DENND1A: variants seen among roughly 807,000 people sequenced by gnomAD.
DENND1A encodes the protein DENN domain-containing protein 1A.
A neutral mutation model predicts 113.7 loss-of-function variants in DENND1A; 51 were observed. That is an observed-to-expected ratio of 0.45 (90% CI 0.36 to 0.57). The LOEUF (loss-of-function observed/expected upper bound fraction) is 0.57. DENND1A is among the 20% of genes least tolerant of loss of function. The pLI is 0.00. For synonymous variants in DENND1A, 565 were observed against 570.8 expected (o/e 0.99, Z 0.14); for missense variants, 1,258 against 1,395.9 (o/e 0.90, Z 1.57).
chr9:123,718,991 C>T (rs187065136), intron 5 of DENND1A, among the ~76,000 whole-genome samples: 4 of 152,166 alleles, frequency 2.6e-5, no homozygotes, highest in African/African-American at 9.7e-5. Flanking sequence ...ATAAGTCTCA[C>T]GAGATCTGAC....
chr9:123,403,546 A>G, intron 20 of DENND1A, 56 bp from the exon 21 acceptor site: 1 of 1,510,002 alleles, frequency 6.6e-7, no homozygotes. Context: ...AAAGCCATAC[A>G]GGTACATTCT....
intron 11 of DENND1A, among the ~76,000 whole-genome samples, chr9:123,601,241 G>T (rs192578676): frequency 1.4e-4 from 22 of 152,222 alleles, no homozygotes; most frequent in East Asian, 7.7e-4. Flanking sequence ...GACTGAAAAC[G>T]TACTGACTGC....
intron 13 of DENND1A, among the ~76,000 whole-genome samples, chr9:123,465,994 C>A (rs1025191136): frequency 2.0e-5 from 3 of 151,188 alleles, no homozygotes; most frequent in African/African-American, 7.3e-5. Flanking sequence ...GTTTTTATTT[C>A]TTTTTTTCTT....
chr9:123,429,060 CA>C (rs2045947003), intron 19 of DENND1A, among the ~76,000 whole-genome samples: 1 of 152,036 alleles, frequency 6.6e-6, no homozygotes, highest in Admixed American at 6.6e-5. Flanking sequence ...CATATAGAAC[CA>C]AAAAAGAGCC....
At chr9:123,565,281 C>T (rs1026493874) in intron 12 of DENND1A, among the ~76,000 whole-genome samples, 11 of 152,266 alleles carry the variant, frequency 7.2e-5, no homozygotes, top group South Asian at 4.1e-4. Context: ...CGTGAGCCAC[C>T]GCACCCGGCC....
chr9:123,512,826 T>A lies in DENND1A; in HGVS notation c.993+44744A>T, dbSNP rs2053571684. On this transcript the variant is annotated intron_variant, in intron 13 of 23. Coordinates refer to ENST00000394215, the MANE Select transcript of DENND1A (RefSeq NM_001352964.2). ...AATGGTTGAAATTCCTCTACCTCTC[T>A]GAGTCTCAGTTTCCTAAGCTGGAAA... Among the ~76,000 whole-genome samples, 6 of 152,224 alleles carry A rather than the reference T, an allele frequency of 3.9e-5. No homozygotes were observed. In the South Asian group the frequency reaches 1.0e-3, roughly 26 times the overall value.
chr9:123,572,573 G>A (rs1486017811), intron 12 of DENND1A, among the ~76,000 whole-genome samples: 1 of 152,094 alleles, frequency 6.6e-6, no homozygotes, highest in Non-Finnish European at 1.5e-5. Flanking sequence ...CATGACTAAC[G>A]ATGCGGAGTA....
intron 12 of DENND1A, among the ~76,000 whole-genome samples, chr9:123,565,262 G>C (rs1037985033): frequency 2.0e-5 from 3 of 152,132 alleles, no homozygotes; most frequent in Non-Finnish European, 4.4e-5. Context: ...AAAGTGCTGG[G>C]ATTACAGGCG....
intron 13 of DENND1A, among the ~76,000 whole-genome samples, chr9:123,515,020 C>T (rs1456727567): frequency 2.6e-5 from 4 of 152,146 alleles, no homozygotes; most frequent in African/African-American, 9.7e-5. Context: ...GTGGGGTAGG[C>T]TACAAGACAA....
At chr9:123,466,279 G>A (rs187951125) in intron 13 of DENND1A, among the ~76,000 whole-genome samples, 2 of 152,140 alleles carry the variant, frequency 1.3e-5, no homozygotes, top group East Asian at 3.9e-4. Context: ...TTACAAGCAT[G>A]AGCCACCGTG....
intron 5 of DENND1A, among the ~76,000 whole-genome samples, chr9:123,728,154 A>G (rs2067851106): frequency 3.3e-5 from 5 of 151,314 alleles, no homozygotes; most frequent in Admixed American, 3.3e-4. Flanking sequence ...TACTATGTTC[A>G]TGGACTGAAA....
At chr9:123,858,859 C>G (rs745972687) in intron 2 of DENND1A, among the ~76,000 whole-genome samples, 2 of 152,034 alleles carry the variant, frequency 1.3e-5, no homozygotes, top group Non-Finnish European at 2.9e-5. Context: ...TAAAAATACA[C>G]ATGTAAACCG....
At chr9:123,856,242 T>C (rs947802625) in intron 2 of DENND1A, among the ~76,000 whole-genome samples, 12 of 152,100 alleles carry the variant, frequency 7.9e-5, no homozygotes, top group African/African-American at 2.7e-4. Context: ...GTAGCCACAG[T>C]AGTCCAGAGT....
chr9:123,677,801 C>G (rs772111475), intron 5 of DENND1A, among the ~76,000 whole-genome samples: 5 of 152,152 alleles, frequency 3.3e-5, no homozygotes, highest in Non-Finnish European at 7.3e-5. Context: ...CAATGATGTC[C>G]GTCACTCCAG....
rs571249023 is a variant in DENND1A at position 123,677,730 on chromosome 9, C to T, written c.303-941G>A. Among the ~76,000 whole-genome samples the T allele has an allele frequency of 7.9e-5, 12 of 152,288 alleles. No homozygotes were observed. The East Asian group carries it at 1.7e-3, about 22-fold the overall frequency. ...ATTATAGGCGTGAGCCACCTGGCCA[C>T]GGCTCTTAGAATGGTTTTTCTAAAA... is the stretch of plus-strand genomic sequence containing the variant. On this transcript the variant is annotated intron_variant, in intron 5 of 23. Coordinates refer to ENST00000394215, the MANE Select transcript of DENND1A (RefSeq NM_001352964.2).
chr9:123,633,202 C>T (rs2138720113), intron 9 of DENND1A, among the ~76,000 whole-genome samples: 2 of 152,192 alleles, frequency 1.3e-5, no homozygotes, highest in East Asian at 3.9e-4. Context: ...GCCACTGCAC[C>T]CAGCCCATAG....
At chr9:123,722,784 C>T (rs1377126319) in intron 5 of DENND1A, among the ~76,000 whole-genome samples, 7 of 152,252 alleles carry the variant, frequency 4.6e-5, no homozygotes, top group Non-Finnish European at 8.8e-5. Context: ...TACCTGGATG[C>T]CCAGGCAGAA....
chr9:123,903,813 C>G (rs1852209260), intron 1 of DENND1A, among the ~76,000 whole-genome samples: 1 of 152,158 alleles, frequency 6.6e-6, no homozygotes, highest in African/African-American at 2.4e-5. Context: ...CCGCCATTGC[C>G]CAGGCTTGCT....
chr9:123,925,376 T>TC (rs1347375617), intron 1 of DENND1A, among the ~76,000 whole-genome samples: 1 of 152,026 alleles, frequency 6.6e-6, no homozygotes, highest in African/African-American at 2.4e-5. Flanking sequence ...CCCTCCCTCC[T>TC]CCCCAGAAGA....
Sources: allele counts gnomAD v4.1 joint callset (sites outside exome capture counted in the v4.1 genomes callset), GRCh38; gene constraint gnomAD v4.1.1; transcripts MANE v1.5; gene names NCBI Gene and HGNC (gene_info 2026-07-23, HGNC 2026-07-21).